Variants in FGF20 observed in about 807,000 individuals in gnomAD.
FGF20 encodes the protein fibroblast growth factor 20.
In FGF20, 8 loss-of-function variants were observed where a neutral mutation model predicts 16.7. That is an observed-to-expected ratio of 0.48 (90% CI 0.28 to 0.87). The LOEUF (loss-of-function observed/expected upper bound fraction) is 0.87, where lower values mean the gene tolerates loss of function less well. Ranked by LOEUF, FGF20 falls within the 40% of genes least tolerant of loss-of-function variation. The probability of loss-of-function intolerance (pLI) is 0.10; values close to 1 mark genes in which losing one functional copy is unlikely to be tolerated. For missense variants in FGF20, 397 were observed against 281.4 expected, an observed-to-expected ratio of 1.41 and a Z score of -2.94; for synonymous variants, 161 against 118.6, an observed-to-expected ratio of 1.36 and a Z score of -2.32.
intron 1 of FGF20, among the ~76,000 whole-genome samples, chr8:17,000,700 T>G (rs575141032): frequency 2.4e-4 from 37 of 152,176 alleles, no homozygotes; most frequent in African/African-American, 8.7e-4. Context: ...GCACCCCATC[T>G]TTGTACAGAA....
At chr8:16,999,927 C>T (rs1040795834) in intron 1 of FGF20, among the ~76,000 whole-genome samples, 2 of 152,148 alleles carry the variant, frequency 1.3e-5, no homozygotes, top group Non-Finnish European at 2.9e-5. Context: ...CTTCTGCCTG[C>T]TCTCCCTATA....
chr8:17,002,194 G>T lies in FGF20; in HGVS notation c.-162C>A. On this transcript the variant is annotated 5_prime_UTR_variant, in exon 1 of 3. Transcript: ENST00000180166. Reference sequence around the variant, plus strand: ...GAGGGACTTTGCACTGAAATGGCAGGGAAGCTCTCACTGTCTTGGAGCGAT... The same window carrying T: ...GAGGGACTTTGCACTGAAATGGCAGTGAAGCTCTCACTGTCTTGGAGCGAT... The T allele has an allele frequency of 1.6e-6, 1 of 634,984 alleles. No individual in the cohort carries two copies. The highest frequency in any genetic ancestry group is 2.4e-6 in the Non-Finnish European group (1 of 417,492). The allele number at this position is 634,984 out of a possible 1,614,324, so 39.3% of individuals were successfully genotyped here.
intron 2 of FGF20, among the ~76,000 whole-genome samples, chr8:16,994,881 T>C (rs1810007219): frequency 6.6e-6 from 1 of 151,632 alleles, no homozygotes; most frequent in Non-Finnish European, 1.5e-5. Flanking sequence ...AATGAAAAAA[T>C]GTTAACAATG....
intron 1 of FGF20, among the ~76,000 whole-genome samples, chr8:17,001,251 T>C (rs896190356): frequency 1.3e-5 from 2 of 152,176 alleles, no homozygotes; most frequent in Admixed American, 1.3e-4. Flanking sequence ...ATCAGCTGCA[T>C]AACTGTGGGG....
intron 1 of FGF20, among the ~76,000 whole-genome samples, chr8:16,998,915 T>C (rs1810120665): frequency 1.3e-5 from 2 of 151,844 alleles, no homozygotes; most frequent in African/African-American, 2.4e-5. Context: ...TCCTTTAACA[T>C]CTCAAATAGC....
chr8:16,992,461 T>C lies in FGF20; in HGVS notation c.*611A>G, dbSNP rs1183789918. 3 of 151,640 alleles carry C rather than the reference T, an allele frequency of 2.0e-5. No homozygotes were observed. The highest frequency in any genetic ancestry group is 3.9e-4 in the East Asian group (2 of 5,194). 9.4% of individuals were successfully genotyped at this position (151,640 alleles called of 1,614,324 possible). A position where few individuals can be genotyped will look rare whatever the true frequency, so the allele number is the denominator to read the frequency against. ...TCTTTGTATTATCTTCATATCCCAG[T>C]AAAAAATAAACTCTTTAATAAATAA... On this transcript the variant is annotated 3_prime_UTR_variant, in exon 3 of 3. Coordinates refer to ENST00000180166, the MANE Select transcript of FGF20 (RefSeq NM_019851.3).
chr8:16,998,135 A>G (rs1810099199), intron 1 of FGF20, among the ~76,000 whole-genome samples: 1 of 152,204 alleles, frequency 6.6e-6, no homozygotes, highest in African/African-American at 2.4e-5. Flanking sequence ...GAAAACTCAG[A>G]GGTAAACCAC....
chr8:17,001,367 T>A (rs17514922), intron 1 of FGF20, among the ~76,000 whole-genome samples: 2 of 151,962 alleles, frequency 1.3e-5, no homozygotes, highest in Non-Finnish European at 2.9e-5. Context: ...GGATTTTTTT[T>A]AAAACTGACT....
intron 1 of FGF20, among the ~76,000 whole-genome samples, chr8:16,997,484 T>C (rs556238192): frequency 6.6e-6 from 1 of 152,336 alleles, no homozygotes; most frequent in South Asian, 2.1e-4. Context: ...TTTGCTGATA[T>C]GCTGGGCTCT....
Position 16,992,492 on chromosome 8 carries a change from T to C in FGF20, c.*580A>G, listed in dbSNP as rs1809936511. The C allele has an allele frequency of 6.6e-6, 1 of 151,296 alleles. No homozygotes were observed. The highest frequency in any genetic ancestry group is 1.5e-5 in the Non-Finnish European group (1 of 67,828). The allele number at this position is 151,296 out of a possible 1,614,324, so 9.4% of individuals were successfully genotyped here. A position where few individuals can be genotyped will look rare whatever the true frequency, so the allele number is the denominator to read the frequency against. ...ATAAACTCTTTAATAAATAAATATA[T>C]ATAATAAATATTTTCAAATTGAAAG... On this transcript the variant is annotated 3_prime_UTR_variant, in exon 3 of 3. Coordinates refer to ENST00000180166, the MANE Select transcript of FGF20 (RefSeq NM_019851.3).
Position 16,994,746 on chromosome 8 carries a change from C to G in FGF20, c.390+909G>C, listed in dbSNP as rs1012766241. 3.3e-5 allele frequency among the ~76,000 whole-genome samples: 5 copies of G among 152,200 alleles called. No individual in the cohort carries two copies. The East Asian group carries it at 9.7e-4, about 29-fold the overall frequency. On this transcript the variant is annotated intron_variant, in intron 2 of 2. Transcript: ENST00000180166. ...TCTGCTTAATCATACAAAGTCAATTCTTGATGGAAATAATTACAGAGACTT... is the reference window on the plus strand; with the variant it reads ...TCTGCTTAATCATACAAAGTCAATTGTTGATGGAAATAATTACAGAGACTT...
intron 2 of FGF20, among the ~76,000 whole-genome samples, chr8:16,993,744 C>G (rs1169643950): frequency 1.3e-5 from 2 of 152,142 alleles, no homozygotes; most frequent in African/African-American, 4.8e-5. Context: ...TGCAACTAGA[C>G]TGTCCCATCT....
intron 1 of FGF20, among the ~76,000 whole-genome samples, chr8:16,998,887 A>G (rs1271485408): frequency 1.8e-5 from 1 of 55,672 alleles, no homozygotes; most frequent in Non-Finnish European, 4.6e-5. Flanking sequence ...TAAAACTGGC[A>G]AAAAAAAAAA....
At chr8:16,996,608 C>G (rs554243619) in intron 1 of FGF20, among the ~76,000 whole-genome samples, 3 of 152,168 alleles carry the variant, frequency 2.0e-5, no homozygotes, top group African/African-American at 7.2e-5. Flanking sequence ...TTGTTTTTAT[C>G]TACGATAAAT....
intron 1 of FGF20, among the ~76,000 whole-genome samples, chr8:17,000,966 G>C (rs1989754): frequency 0.37 from 55,860 of 151,308 alleles, 11,494 homozygotes; most frequent in East Asian, 0.52. Flanking sequence ...CTTGCTTTCA[G>C]GTTGCACAAT....
At chr8:16,993,654 T>C (rs1345767900) in intron 2 of FGF20, among the ~76,000 whole-genome samples, 2 of 152,114 alleles carry the variant, frequency 1.3e-5, no homozygotes, top group Non-Finnish European at 2.9e-5. Flanking sequence ...TTCCCATTAT[T>C]ATTACATTGT....
At chr8:16,995,191 T>C (rs1052411016) in intron 2 of FGF20, among the ~76,000 whole-genome samples, 1 of 152,236 alleles carries the variant, frequency 6.6e-6, no homozygotes, top group Admixed American at 6.5e-5. Flanking sequence ...TCTTCTCCTG[T>C]TACTTGCAGT....
intron 1 of FGF20, among the ~76,000 whole-genome samples, chr8:16,998,793 T>A (rs1477966683): frequency 6.6e-6 from 1 of 151,832 alleles, no homozygotes; most frequent in Non-Finnish European, 1.5e-5. Context: ...CATGTTTACA[T>A]ATTAGGTAAG....
intron 2 of FGF20, 32 bp downstream of exon 2, chr8:16,995,623 C>T (rs761412802): frequency 1.3e-5 from 12 of 939,536 alleles, no homozygotes; most frequent in African/African-American, 1.7e-5. Flanking sequence ...TTAAGAATTA[C>T]AATAATAATA....
Sources: allele counts gnomAD v4.1 joint callset (sites outside exome capture counted in the v4.1 genomes callset), GRCh38; gene constraint gnomAD v4.1.1; transcripts MANE v1.5; gene names NCBI Gene and HGNC (gene_info 2026-07-23, HGNC 2026-07-21).